FAM3B: variants seen among roughly 807,000 people sequenced by gnomAD.
FAM3B encodes protein FAM3B.
In FAM3B, 29 loss-of-function variants were observed where a neutral mutation model predicts 28.4. The observed-to-expected ratio is 1.02, with a 90% CI of 0.76 to 1.39. FAM3B has a LOEUF of 1.39. Among genes scored for constraint, FAM3B ranks in the 40% most tolerant of loss-of-function variants. The probability of loss-of-function intolerance (pLI) is 0.00; values close to 1 mark genes in which losing one functional copy is unlikely to be tolerated. For synonymous variants in FAM3B, 91 were observed against 103.0 expected (o/e 0.88, Z 0.71); for missense variants, 266 against 293.9 (o/e 0.91, Z 0.69).
At chr21:41,343,619 C>T (rs2089027174) in intron 3 of FAM3B, among the ~76,000 whole-genome samples, 1 of 152,110 alleles carries the variant, frequency 6.6e-6, no homozygotes, top group African/African-American at 2.4e-5. Flanking sequence ...AGGAGGAAGC[C>T]TTCCAAATTA....
At chr21:41,319,150 C>G (rs1422664572) in intron 1 of FAM3B, among the ~76,000 whole-genome samples, 1 of 152,134 alleles carries the variant, frequency 6.6e-6, no homozygotes, top group East Asian at 1.9e-4. Flanking sequence ...GGTTCCTTAG[C>G]TTTCCAAAAT....
chr21:41,330,842 C>A (rs185714141), intron 2 of FAM3B, among the ~76,000 whole-genome samples: 130 of 152,320 alleles, frequency 8.5e-4, no homozygotes, highest in Non-Finnish European at 1.5e-3. Flanking sequence ...TTCATTCATT[C>A]ATCGATGGGC....
chr21:41,310,133 C>T (rs1195204241), intron 1 of FAM3B, among the ~76,000 whole-genome samples: 3 of 152,126 alleles, frequency 2.0e-5, no homozygotes, highest in African/African-American at 4.8e-5. Flanking sequence ...TCAACATCTT[C>T]CTTGTCTCTT....
At chr21:41,308,842 G>A (rs1254445089) in intron 1 of FAM3B, among the ~76,000 whole-genome samples, 2 of 152,148 alleles carry the variant, frequency 1.3e-5, no homozygotes, top group Admixed American at 1.3e-4. Context: ...ACAGTGAAAT[G>A]GTCATCAGGT....
chr21:41,332,266 A>G (rs1440319663), intron 2 of FAM3B, among the ~76,000 whole-genome samples: 1 of 152,262 alleles, frequency 6.6e-6, no homozygotes, highest in East Asian at 1.9e-4. Flanking sequence ...AGCAGATGCC[A>G]GTACCAAGCT....
intron 7 of FAM3B, among the ~76,000 whole-genome samples, chr21:41,354,404 C>A (rs1359530620): frequency 6.6e-6 from 1 of 152,110 alleles, no homozygotes; most frequent in African/African-American, 2.4e-5. Flanking sequence ...AAACTGTTCA[C>A]AATAGCAAAG....
chr21:41,345,795 A>C (rs763394837), intron 5 of FAM3B, 59 bp downstream of exon 5: 2 of 1,086,462 alleles, frequency 1.8e-6, no homozygotes, highest in Non-Finnish European at 2.8e-6. Flanking sequence ...TTAAGATTAA[A>C]AAGCACAAAG....
chr21:41,316,965 TC>T, intron 1 of FAM3B, 67 bp downstream of exon 1: 11 of 1,231,856 alleles, frequency 8.9e-6, no homozygotes, highest in Middle Eastern at 4.5e-4. Context: ...GAAGCGTCGC[TC>T]CCCAACCCTG....
chr21:41,346,518 C>G (rs1410717507), intron 5 of FAM3B: 1 of 154,506 alleles, frequency 6.5e-6, no homozygotes, highest in Non-Finnish European at 1.4e-5. Flanking sequence ...GTGGGAGTCT[C>G]TCTCCTGCAC....
rs527454163 is a variant in FAM3B, at chr21:41,344,682, A to G, written c.346+148A>G. On this transcript the variant is annotated intron_variant, in intron 4 of 7. Coordinates refer to ENST00000357985, the MANE Select transcript of FAM3B (RefSeq NM_058186.4). ...TAAGATTATATACTCAATTATTTTTACAAGTCTCACTTCACAGATTATTTG... is the reference window on the plus strand; with the variant it reads ...TAAGATTATATACTCAATTATTTTTGCAAGTCTCACTTCACAGATTATTTG... 166 of 618,020 alleles carry G rather than the reference A, an allele frequency of 2.7e-4. 2 individuals are homozygous for G. The South Asian group carries it at 3.2e-3, about 12-fold the overall frequency. 38.3% of individuals were successfully genotyped at this position (618,020 alleles called of 1,614,324 possible).
At chr21:41,341,524 C>G (rs2089007216) in intron 3 of FAM3B, among the ~76,000 whole-genome samples, 1 of 152,146 alleles carries the variant, frequency 6.6e-6, no homozygotes, top group African/African-American at 2.4e-5. Context: ...AGTTTTACTG[C>G]CTAAGCATGC....
At chr21:41,328,341 G>A (rs775311321) in intron 2 of FAM3B, among the ~76,000 whole-genome samples, 11 of 152,090 alleles carry the variant, frequency 7.2e-5, no homozygotes, top group Non-Finnish European at 1.5e-4. Context: ...GTGTTTTCAG[G>A]CGAATACCTA....
At position 41,347,088 on chromosome 21, in the gene FAM3B, A is replaced by C. The variant is rs1337703651; in HGVS notation, c.473A>C (p.Asp158Ala). ...KSLLFMVTYD[D>A]GSTRLNNDAK... is the part of the protein sequence containing the mutation. ...CTGCTCTTCATGGTGACCTATGACG[A>C]CGGAAGCACAAGGTGAGTGGGTGTA... The change falls in exon 6 of 8, where the codon GAC (aspartate) becomes GCC (alanine). Residue 158 changes from aspartate to alanine, a missense_variant. Transcript: ENST00000357985. The C allele has an allele frequency of 2.5e-6, 4 of 1,614,178 alleles. No individual in the cohort carries two copies. Among genetic ancestry groups the C allele is most frequent in the Non-Finnish European group, 3.4e-6 (4 of 1,180,014 alleles).
At chr21:41,353,417 G>A (rs2089138659) in intron 7 of FAM3B, among the ~76,000 whole-genome samples, 1 of 152,316 alleles carries the variant, frequency 6.6e-6, no homozygotes, top group East Asian at 1.9e-4. Context: ...ACACAAAGCT[G>A]CTGTGATTGA....
chr21:41,311,096 A>G (rs1336389851), intron 1 of FAM3B, among the ~76,000 whole-genome samples: 4 of 151,036 alleles, frequency 2.6e-5, no homozygotes, highest in African/African-American at 7.3e-5. Flanking sequence ...GTTCTCAAAC[A>G]TTTTGCTCTC....
chr21:41,320,860 G>A (rs1332573183), intron 1 of FAM3B: 2 of 152,206 alleles, frequency 1.3e-5, no homozygotes, highest in African/African-American at 4.8e-5. Flanking sequence ...CTTCTTGTGA[G>A]GACACTTGGC....
At chr21:41,315,128 C>T (rs1364931601), upstream of FAM3B, among the ~76,000 whole-genome samples, 2 of 152,176 alleles carry the variant, frequency 1.3e-5, no homozygotes, top group African/African-American at 4.8e-5. Context: ...AATTTTGACA[C>T]ATGCTACAGC....
intron 7 of FAM3B, among the ~76,000 whole-genome samples, chr21:41,354,880 T>C (rs571603482): frequency 1.6e-4 from 25 of 152,156 alleles, no homozygotes; most frequent in Middle Eastern, 6.8e-3. Context: ...TGATACCTTA[T>C]AGAAAGTGAA....
intron 7 of FAM3B, among the ~76,000 whole-genome samples, chr21:41,352,433 TGGAA>T (rs917110320): frequency 5.4e-5 from 8 of 148,370 alleles, no homozygotes; most frequent in African/African-American, 1.7e-4. Flanking sequence ...GGGAAGGGAA[TGGAA>T]GGAAGGAAAA....
Sources: gnomAD v4.1 joint callset for allele counts (sites outside exome capture counted in the v4.1 genomes callset) on GRCh38, gnomAD v4.1.1 for gene constraint, MANE v1.5 for transcripts, NCBI Gene and HGNC (gene_info 2026-07-23, HGNC 2026-07-21) for gene names.